Variants in HOMER1 observed in about 807,000 individuals in gnomAD.
The protein encoded by HOMER1 is homer protein homolog 1.
HOMER1 carries 3 observed loss-of-function variants against 48.9 expected under a neutral mutation model. The observed-to-expected ratio is 0.06, with a 90% CI of 0.03 to 0.16. The LOEUF (loss-of-function observed/expected upper bound fraction) is 0.16, where lower values mean the gene tolerates loss of function less well. Ranked by LOEUF, HOMER1 falls within the 10% of genes least tolerant of loss-of-function variation. HOMER1 has a pLI of 1.00. For missense variants in HOMER1, 247 were observed against 411.4 expected, an observed-to-expected ratio of 0.60 and a Z score of 3.46; for synonymous variants, 134 against 146.4, an observed-to-expected ratio of 0.92 and a Z score of 0.61.
At chr5:79,483,875 TA>T (rs1488825855) in intron 1 of HOMER1, among the ~76,000 whole-genome samples, 1 of 150,896 alleles carries the variant, frequency 6.6e-6, no homozygotes, top group Admixed American at 6.6e-5. Flanking sequence ...GCCAACATGG[TA>T]AAACCCCGTC....
At chr5:79,446,306 C>A (rs1750879556) in intron 4 of HOMER1, among the ~76,000 whole-genome samples, 1 of 152,156 alleles carries the variant, frequency 6.6e-6, no homozygotes, top group Non-Finnish European at 1.5e-5. Flanking sequence ...TATTTCCCCT[C>A]CCCTGCTTTA....
At chr5:79,407,193 C>A (rs1163938025) in intron 5 of HOMER1, among the ~76,000 whole-genome samples, 1 of 151,948 alleles carries the variant, frequency 6.6e-6, no homozygotes, top group East Asian at 1.9e-4. Context: ...GACTAACTTT[C>A]ATAATAACAG....
chr5:79,394,022 C>T (rs1174630662), intron 8 of HOMER1, among the ~76,000 whole-genome samples: 1 of 152,058 alleles, frequency 6.6e-6, no homozygotes, highest in Non-Finnish European at 1.5e-5. Context: ...TTATACTAAC[C>T]TTGCTAAGTA....
At chr5:79,474,144 C>T (rs991744561) in intron 1 of HOMER1, among the ~76,000 whole-genome samples, 1 of 151,734 alleles carries the variant, frequency 6.6e-6, no homozygotes, top group East Asian at 1.9e-4. Context: ...GCTAAGTGAT[C>T]CTATCCAGTC....
At chr5:79,446,755 A>T (rs1750892812) in intron 4 of HOMER1, among the ~76,000 whole-genome samples, 2 of 149,888 alleles carry the variant, frequency 1.3e-5, no homozygotes, top group Non-Finnish European at 3.0e-5. Flanking sequence ...CTCCTACCTC[A>T]GCTTCCCAAG....
At chr5:79,474,035 T>C (rs1751690124) in intron 1 of HOMER1, among the ~76,000 whole-genome samples, 1 of 151,838 alleles carries the variant, frequency 6.6e-6, no homozygotes, top group Admixed American at 6.6e-5. Flanking sequence ...TTTTCTTTTT[T>C]AAAAAAGAAA....
At chr5:79,392,979 G>C (rs1339923789) in intron 8 of HOMER1, among the ~76,000 whole-genome samples, 1 of 151,882 alleles carries the variant, frequency 6.6e-6, no homozygotes, top group East Asian at 1.9e-4. Flanking sequence ...GAGAGAGAGA[G>C]AGAGAGAGAA....
intron 1 of HOMER1, among the ~76,000 whole-genome samples, chr5:79,509,404 T>G (rs1299391251): frequency 6.6e-6 from 1 of 151,010 alleles, no homozygotes; most frequent in Admixed American, 6.7e-5. Flanking sequence ...ATGAAATAAG[T>G]GGTTGAAGTT....
intron 3 of HOMER1, among the ~76,000 whole-genome samples, chr5:79,448,408 T>C (rs1360585131): frequency 6.6e-6 from 1 of 152,198 alleles, no homozygotes; most frequent in Non-Finnish European, 1.5e-5. Flanking sequence ...TGCTAATTTG[T>C]ATATCCTTAG....
intron 1 of HOMER1, among the ~76,000 whole-genome samples, chr5:79,504,082 A>C (rs776669102): frequency 1.2e-4 from 19 of 152,250 alleles, no homozygotes; most frequent in Non-Finnish European, 2.9e-5. Context: ...TGAAAGCAAC[A>C]ATGAAATACA....
intron 8 of HOMER1, among the ~76,000 whole-genome samples, chr5:79,380,568 C>G (rs1316423129): frequency 6.6e-6 from 1 of 152,224 alleles, no homozygotes; most frequent in African/African-American, 2.4e-5. Context: ...TGGCATTGTC[C>G]TTCTGAGCAG....
chr5:79,428,400 C>T (rs896569023), intron 5 of HOMER1, among the ~76,000 whole-genome samples: 1 of 152,124 alleles, frequency 6.6e-6, no homozygotes, highest in Non-Finnish European at 1.5e-5. Context: ...AAGATGTCCA[C>T]TCCTGTCACT....
At chr5:79,417,046 A>T (rs1749960806) in intron 5 of HOMER1, among the ~76,000 whole-genome samples, 1 of 152,138 alleles carries the variant, frequency 6.6e-6, no homozygotes, top group Non-Finnish European at 1.5e-5. Context: ...GAGAAGAAAA[A>T]CGAATTGACC....
chr5:79,482,878 C>G (rs1359423788), intron 1 of HOMER1, among the ~76,000 whole-genome samples: 1 of 151,906 alleles, frequency 6.6e-6, no homozygotes, highest in Non-Finnish European at 1.5e-5. Flanking sequence ...TGGCTCACAC[C>G]TGTGGTCCCA....
chr5:79,438,940 G>T, intron 5 of HOMER1, 70 bp downstream of exon 5: 1 of 1,355,386 alleles, frequency 7.4e-7, no homozygotes, highest in South Asian at 1.3e-5. Flanking sequence ...GTAACTACAA[G>T]GGTTCCTGAA....
At chr5:79,482,630 A>G (rs1235288147) in intron 1 of HOMER1, among the ~76,000 whole-genome samples, 4 of 152,140 alleles carry the variant, frequency 2.6e-5, no homozygotes, top group Non-Finnish European at 5.9e-5. Flanking sequence ...TATAGTACTA[A>G]TGTGATTGAT....
chr5:79,511,013 G>A (rs1433689361), intron 1 of HOMER1: 2 of 338,318 alleles, frequency 5.9e-6, no homozygotes, highest in Admixed American at 4.5e-5. Flanking sequence ...GAAACCTCAG[G>A]CAGGGAAAAA....
chr5:79,477,175 T>G (rs1317847506), intron 1 of HOMER1, among the ~76,000 whole-genome samples: 1 of 152,180 alleles, frequency 6.6e-6, no homozygotes, highest in Admixed American at 6.5e-5. Context: ...ACAATAGATA[T>G]ATCATAGCAT....
At chr5:79,494,104 T>C (rs73124201) in intron 1 of HOMER1, among the ~76,000 whole-genome samples, 11,568 of 152,266 alleles carry the variant, frequency 0.076, 962 homozygotes, top group East Asian at 0.22. Context: ...GACACTATTC[T>C]CACCTGACAG....
Sources: gnomAD v4.1 joint callset for allele counts (sites outside exome capture counted in the v4.1 genomes callset) on GRCh38, gnomAD v4.1.1 for gene constraint, MANE v1.5 for transcripts, NCBI Gene and HGNC (gene_info 2026-07-23, HGNC 2026-07-21) for gene names.